The following DUSP22 variants were observed in gnomAD, a reference collection of about 807,000 sequenced individuals.
DUSP22 encodes dual specificity phosphatase 22, also known as dual specificity protein phosphatase 22.
In DUSP22, 24 loss-of-function variants were observed where a neutral mutation model predicts 24.5. The observed-to-expected ratio is 0.98, with a 90% CI of 0.71 to 1.38. DUSP22 has a LOEUF of 1.38. Ranked by LOEUF, DUSP22 falls within the 40% of genes most tolerant of loss-of-function variation. The pLI, the probability that DUSP22 is intolerant of heterozygous loss-of-function variation, is 0.00. For synonymous variants in DUSP22, 160 were observed against 106.4 expected, an observed-to-expected ratio of 1.50 and a Z score of -3.10; for missense variants, 330 against 269.2, an observed-to-expected ratio of 1.23 and a Z score of -1.58.
At chr6:307,089 G>A (rs532472120) in intron 2 of DUSP22, among the ~76,000 whole-genome samples, 13 of 152,302 alleles carry the variant, frequency 8.5e-5, no homozygotes, top group Non-Finnish European at 2.9e-5. Flanking sequence ...AATGTGGAAT[G>A]TGGCCTCTTT....
At position 350,785 on chromosome 6, in the gene DUSP22, T is replaced by A; in HGVS notation, c.*1834T>A. On this transcript the variant is annotated 3_prime_UTR_variant, in exon 7 of 7. Coordinates refer to ENST00000419235, the MANE Select transcript of DUSP22 (RefSeq NM_001286555.3). ...ATTCTTGGAGTTCTTGAAATGTTGT[T>A]TTAATATTTGTTGCCAGTAATGTTC... is the stretch of plus-strand genomic sequence containing the variant. 6.2e-7 allele frequency: 1 copy of A among 1,614,220 alleles called. No individual in the cohort carries two copies. The highest frequency in any genetic ancestry group is 8.5e-7 in the Non-Finnish European group (1 of 1,180,012).
intron 1 of DUSP22, among the ~76,000 whole-genome samples, chr6:296,264 G>T (rs1398103725): frequency 6.6e-6 from 1 of 152,306 alleles, no homozygotes; most frequent in African/African-American, 2.4e-5. Context: ...AATTGCCAAT[G>T]AGTTTATGGT....
intron 1 of DUSP22, among the ~76,000 whole-genome samples, chr6:300,295 C>G (rs1267166241): frequency 5.3e-5 from 8 of 152,304 alleles, no homozygotes; most frequent in African/African-American, 1.4e-4. Flanking sequence ...GGCTCGGGCT[C>G]AGGCTGAAGA....
intron 2 of DUSP22, among the ~76,000 whole-genome samples, chr6:307,653 C>G (rs1337865310): frequency 6.6e-6 from 1 of 152,294 alleles, no homozygotes; most frequent in Non-Finnish European, 1.5e-5. Flanking sequence ...CCGTGGCTTC[C>G]TTACAACTTG....
At chr6:312,044 G>C in intron 3 of DUSP22, 82 bp downstream of exon 3, 1 of 1,427,552 alleles carries the variant, frequency 7.0e-7, no homozygotes, top group South Asian at 1.3e-5. Flanking sequence ...AAGGCAACCA[G>C]GTTCTCTCCA....
intron 3 of DUSP22, among the ~76,000 whole-genome samples, chr6:333,401 G>A (rs1759222437): frequency 6.6e-6 from 1 of 152,304 alleles, no homozygotes. Context: ...TGTAAAGATT[G>A]ATTTAAAGCT....
intron 1 of DUSP22, among the ~76,000 whole-genome samples, chr6:296,801 T>G (rs1757351378): frequency 6.6e-6 from 1 of 152,302 alleles, no homozygotes; most frequent in Admixed American, 6.5e-5. Context: ...GCTGAAGCCT[T>G]GCATTCTAGG....
intron 2 of DUSP22, among the ~76,000 whole-genome samples, chr6:305,510 C>G (rs1757781935): frequency 6.6e-6 from 1 of 152,308 alleles, no homozygotes; most frequent in East Asian, 1.9e-4. Context: ...TCATCTCTGG[C>G]AGATTCTTCT....
intron 1 of DUSP22, among the ~76,000 whole-genome samples, chr6:302,131 C>T (rs767026049): frequency 1.2e-4 from 18 of 152,294 alleles, no homozygotes; most frequent in East Asian, 9.6e-4. Flanking sequence ...TCCAGGACCC[C>T]GCCATCGCCG....
In DUSP22 at chr6:350,620, A is replaced by T; in HGVS notation, c.*1669A>T. The T allele has an allele frequency of 2.8e-6, 4 of 1,452,914 alleles. No homozygotes were observed. The highest frequency in any genetic ancestry group is 2.6e-5 in the East Asian group (1 of 39,136). The allele number at this position is 1,452,914 out of a possible 1,614,324, so 90.0% of individuals were successfully genotyped here. A position where few individuals can be genotyped will look rare whatever the true frequency, so the allele number is the denominator to read the frequency against. On this transcript the variant is annotated 3_prime_UTR_variant, in exon 7 of 7. Transcript: ENST00000419235. ...GAAAGGGGAGTGTGGCTGTAGAATC[A>T]TCCATCCGTCTACAGCTAAAACAAT...
intron 3 of DUSP22, among the ~76,000 whole-genome samples, chr6:315,027 G>A (rs1351393784): frequency 6.6e-6 from 1 of 152,312 alleles, no homozygotes; most frequent in Non-Finnish European, 1.5e-5. Context: ...TCTGGTCAGG[G>A]AGTGGCTGGG....
chr6:350,858 G>A lies in DUSP22; in HGVS notation c.*1907G>A, dbSNP rs774704329. 18 of 1,614,148 alleles carry A rather than the reference G, an allele frequency of 1.1e-5. No homozygotes were observed. The highest frequency in any genetic ancestry group is 1.5e-5 in the Non-Finnish European group (18 of 1,180,034). The stretch of plus-strand genomic sequence containing the variant: ...ATTCTGAAGTTCTGGGCCTTTCTCA[G>A]AAGACTGTAATGTACCTGAAGTTTC... On this transcript the variant is annotated 3_prime_UTR_variant, in exon 7 of 7. Transcript: ENST00000419235.
At chr6:296,011 C>A (rs1757312420) in intron 1 of DUSP22, among the ~76,000 whole-genome samples, 1 of 142,270 alleles carries the variant, frequency 7.0e-6, no homozygotes, top group Non-Finnish European at 1.6e-5. Flanking sequence ...TAGGAAAAGT[C>A]TTTCCTTTGA....
At chr6:344,931 G>A (rs2127420762) in intron 4 of DUSP22, among the ~76,000 whole-genome samples, 1 of 152,430 alleles carries the variant, frequency 6.6e-6, no homozygotes, top group East Asian at 1.9e-4. Flanking sequence ...CACAGCTGGT[G>A]TGAGGGTTCC....
At chr6:340,205 A>G (rs1225139892) in intron 4 of DUSP22, among the ~76,000 whole-genome samples, 2 of 152,308 alleles carry the variant, frequency 1.3e-5, no homozygotes, top group African/African-American at 4.8e-5. Context: ...TCTATTTTTA[A>G]TGTTGACAGT....
intron 3 of DUSP22, among the ~76,000 whole-genome samples, chr6:314,545 A>G (rs1186851110): frequency 3.3e-5 from 5 of 152,300 alleles, no homozygotes; most frequent in African/African-American, 1.2e-4. Flanking sequence ...TTCTGCCTTT[A>G]TTGTGATGGA....
chr6:321,021 C>G (rs1758563528), intron 3 of DUSP22, among the ~76,000 whole-genome samples: 1 of 152,312 alleles, frequency 6.6e-6, no homozygotes, highest in Non-Finnish European at 1.5e-5. Flanking sequence ...GGGCCCTGGG[C>G]ACCCAGGGGA....
intron 4 of DUSP22, 137 bp downstream of exon 4, chr6:335,300 A>G (rs1304210165): frequency 5.1e-6 from 6 of 1,180,998 alleles, no homozygotes; most frequent in Non-Finnish European, 6.1e-6. Context: ...AGAGGCTGTG[A>G]GCCTACAGAG....
intron 3 of DUSP22, 109 bp downstream of exon 3, chr6:312,071 G>C: frequency 2.5e-6 from 3 of 1,180,030 alleles, no homozygotes; most frequent in Non-Finnish European, 3.6e-6. Context: ...ACGTACTCCT[G>C]TGATCTCTGG....
Sources: allele counts gnomAD v4.1 joint callset (sites outside exome capture counted in the v4.1 genomes callset), GRCh38; gene constraint gnomAD v4.1.1; transcripts MANE v1.5; gene names NCBI Gene and HGNC (gene_info 2026-07-23, HGNC 2026-07-21).